The following RFWD3 variants were observed in gnomAD, a reference collection of about 807,000 sequenced individuals.
RFWD3 encodes ring finger and WD repeat domain 3, also known as E3 ubiquitin-protein ligase RFWD3.
RFWD3 carries 65 observed loss-of-function variants against 87.7 expected under a neutral mutation model. The observed-to-expected ratio is 0.74, with a 90% CI of 0.61 to 0.91. The LOEUF (loss-of-function observed/expected upper bound fraction) is 0.91. Among genes scored for constraint, RFWD3 ranks in the 40% least tolerant of loss-of-function variants. The pLI is 0.00. For missense variants in RFWD3, 1,078 were observed against 938.5 expected (o/e 1.15, Z -1.94); for synonymous variants, 433 against 352.8 (o/e 1.23, Z -2.55).
Position 74,623,953 on chromosome 16 carries a change from A to G in RFWD3, c.2300T>C (p.Met767Thr), listed in dbSNP as rs1597402653. 1.9e-6 allele frequency: 3 copies of G among 1,614,150 alleles called. No individual in the cohort carries two copies. The highest frequency in any genetic ancestry group is 4.5e-5 in the East Asian group (2 of 44,870). ...NSYLATLTEK[M>T]VHIYKWE ...TCACTCCCACTTATAGATGTGGACC[A>G]TCTTCTCTGTTAAGGTAGCCAAGTA... The change falls in exon 13 of 13, where the codon ATG (methionine) becomes ACG (threonine). Residue 767 changes from methionine to threonine, a missense_variant. Met to Thr is a moderately conservative substitution (Grantham distance 81). Transcript: ENST00000361070.
chr16:74,627,962 G>C (rs1378125407), intron 11 of RFWD3, among the ~76,000 whole-genome samples: 1 of 152,226 alleles, frequency 6.6e-6, no homozygotes, highest in Non-Finnish European at 1.5e-5. Flanking sequence ...ATGAAGCACA[G>C]TCTGCTGTTA....
chr16:74,641,515 G>GA (rs1242134000), intron 6 of RFWD3, among the ~76,000 whole-genome samples: 1 of 151,738 alleles, frequency 6.6e-6, no homozygotes, highest in Non-Finnish European at 1.5e-5. Flanking sequence ...AAATTGAAAT[G>GA]AAAAAAACTA....
intron 3 of RFWD3, among the ~76,000 whole-genome samples, chr16:74,651,523 G>A (rs1281100797): frequency 2.0e-5 from 3 of 152,288 alleles, no homozygotes; most frequent in South Asian, 2.1e-4. Context: ...GGAGGCTGAG[G>A]TGGGAGGATG....
At chr16:74,650,254 G>T (rs1386306806) in intron 3 of RFWD3, among the ~76,000 whole-genome samples, 1 of 151,870 alleles carries the variant, frequency 6.6e-6, no homozygotes, top group Non-Finnish European at 1.5e-5. Context: ...TAATTTAAAT[G>T]ATTACATCTC....
At chr16:74,664,220 G>A (rs1961693373) in intron 1 of RFWD3, 1 of 152,110 alleles carries the variant, frequency 6.6e-6, no homozygotes, top group Non-Finnish European at 1.5e-5. Flanking sequence ...CAAAGTGCTG[G>A]GATTACAGGA....
chr16:74,633,745 T>G (rs1446144528), intron 8 of RFWD3, among the ~76,000 whole-genome samples: 2 of 152,024 alleles, frequency 1.3e-5, no homozygotes, highest in Non-Finnish European at 2.9e-5. Flanking sequence ...AGATCATGAG[T>G]TCGAGACCAG....
At chr16:74,636,707 C>A in intron 7 of RFWD3, 130 bp from the exon 8 acceptor site, 1 of 733,696 alleles carries the variant, frequency 1.4e-6, no homozygotes, top group Non-Finnish European at 2.2e-6. Context: ...TCCTAGAGAA[C>A]TGCAGAGTTT....
At chr16:74,658,291 T>C (rs1355739081) in intron 2 of RFWD3, among the ~76,000 whole-genome samples, 1 of 152,226 alleles carries the variant, frequency 6.6e-6, no homozygotes, top group East Asian at 1.9e-4. Flanking sequence ...TATCAATATT[T>C]GATGAATGAG....
chr16:74,623,954 T>C lies in RFWD3; in HGVS notation c.2299A>G (p.Met767Val), dbSNP rs146574678. Residue 767 changes from methionine (M) to valine (V), a missense_variant, in exon 13 of 13, where the codon ATG becomes GTG. By Grantham distance (21) the Met-to-Val change is conservative. Coordinates refer to ENST00000361070, the MANE Select transcript of RFWD3 (RefSeq NM_018124.4). ...CACTCCCACTTATAGATGTGGACCA[T>C]CTTCTCTGTTAAGGTAGCCAAGTAG... ...NSYLATLTEKMVHIYKWE is the reference protein window; with the variant it reads ...NSYLATLTEKVVHIYKWE 1,125 of 1,614,118 alleles carry C rather than the reference T, an allele frequency of 7.0e-4. 4 individuals carry two copies. The highest frequency in any genetic ancestry group is 2.5e-3 in the South Asian group (229 of 91,078).
rs891138863 is a variant in RFWD3, at chr16:74,622,912, C to G, written c.*1016G>C. The G allele has an allele frequency of 2.6e-5, 4 of 152,216 alleles. No homozygotes were observed. The highest frequency in any genetic ancestry group is 6.5e-5 in the Admixed American group (1 of 15,284). 9.4% of individuals were successfully genotyped at this position (152,216 alleles called of 1,614,324 possible). ...GAACACTTAAGAACAGCCCCTCAGT[C>G]TGAGGAATTGGCTTTATTTAGATAG... On this transcript the variant is annotated 3_prime_UTR_variant, in exon 13 of 13. Transcript: ENST00000361070.
intron 7 of RFWD3, 22 bp from the exon 8 acceptor site, chr16:74,636,599 A>G: frequency 7.1e-6 from 11 of 1,547,912 alleles, no homozygotes; most frequent in Non-Finnish European, 9.8e-6. Context: ...AAGATTTTAT[A>G]AATACAAAGC....
intron 8 of RFWD3, 36 bp downstream of exon 8, chr16:74,636,310 T>C: frequency 6.4e-7 from 1 of 1,569,202 alleles, no homozygotes; most frequent in Non-Finnish European, 8.8e-7. Context: ...TGGAGTCTAA[T>C]AAAGAACATG....
intron 12 of RFWD3, 104 bp downstream of exon 12, chr16:74,626,239 C>T: frequency 3.0e-6 from 3 of 1,004,892 alleles, no homozygotes; most frequent in Non-Finnish European, 4.7e-6. Context: ...AGAACTTACA[C>T]TTTTTTGCTA....
chr16:74,660,737 G>T (rs1452922444), intron 2 of RFWD3, 195 bp downstream of exon 2: 3 of 593,232 alleles, frequency 5.1e-6, no homozygotes, highest in Admixed American at 6.4e-5. Context: ...TAGTTTTCAA[G>T]GCACAACAGT....
intron 6 of RFWD3, among the ~76,000 whole-genome samples, chr16:74,641,678 A>G (rs947666526): frequency 6.6e-6 from 1 of 151,966 alleles, no homozygotes; most frequent in Non-Finnish European, 1.5e-5. Flanking sequence ...TAATCTCAGC[A>G]CTTTGGGAGT....
intron 4 of RFWD3, among the ~76,000 whole-genome samples, chr16:74,645,938 C>T (rs1160586935): frequency 6.6e-6 from 1 of 150,534 alleles, no homozygotes; most frequent in Non-Finnish European, 1.5e-5. Context: ...TTAGTAGAGA[C>T]GGGGTTTCAC....
At chr16:74,663,870 A>G (rs1961664356) in intron 1 of RFWD3, among the ~76,000 whole-genome samples, 1 of 152,222 alleles carries the variant, frequency 6.6e-6, no homozygotes, top group African/African-American at 2.4e-5. Context: ...CAGGTACCAC[A>G]AAAGGCAATA....
Position 74,661,098 on chromosome 16 carries a change from G to C in RFWD3, c.352C>G (p.His118Asp). ...CCGCTGATGAAGTTGGTCATTGAAT[G>C]CAACGAAGATGCTGGGATGGTGTGA... ...GNHTIPASSL[H>D]SMTNFISGLQ... Residue 118 changes from histidine to aspartate, a missense_variant, in exon 2 of 13, where the codon CAT (histidine) becomes GAT (aspartate). Transcript: ENST00000361070. 6.2e-7 allele frequency: 1 copy of C among 1,614,206 alleles called. No homozygotes were observed. The highest frequency in any genetic ancestry group is 8.5e-7 in the Non-Finnish European group (1 of 1,180,042).
Position 74,644,703 on chromosome 16 carries a change from A to G in RFWD3, c.825T>C (p.Pro275=). The G allele has an allele frequency of 6.2e-7, 1 of 1,614,210 alleles. No individual in the cohort carries two copies. The change falls in exon 5 of 13, where the codon CCT becomes CCC. Residue 275 remains proline, a synonymous_variant. Coordinates refer to ENST00000361070, the MANE Select transcript of RFWD3 (RefSeq NM_018124.4). The part of the protein sequence containing the change: ...PSPQKSEPLL[P]SASMDEEEGD... ...CTTCTTCCTCATCCATAGAAGCAGA[A>G]GGTAGCAGAGGCTCAGACTTCTGGG... is the stretch of plus-strand genomic sequence containing the variant.
Sources: gnomAD v4.1 joint callset for allele counts (sites outside exome capture counted in the v4.1 genomes callset) on GRCh38, gnomAD v4.1.1 for gene constraint, MANE v1.5 for transcripts, NCBI Gene and HGNC (gene_info 2026-07-23, HGNC 2026-07-21) for gene names.